Variants in PTPN2 observed in about 807,000 individuals in gnomAD.
PTPN2 encodes the protein protein tyrosine phosphatase non-receptor type 2, also known as tyrosine-protein phosphatase non-receptor type 2.
In PTPN2, 19 loss-of-function variants were observed where a neutral mutation model predicts 57.3. The ratio of observed to expected loss-of-function variants is 0.33; its 90% confidence interval spans 0.23 to 0.49. The LOEUF is 0.49. PTPN2 is among the 20% of genes least tolerant of loss of function. The probability of loss-of-function intolerance (pLI) is 0.99; values close to 1 mark genes in which losing one functional copy is unlikely to be tolerated. For synonymous variants in PTPN2, 153 were observed against 164.9 expected, an observed-to-expected ratio of 0.93 and a Z score of 0.55; for missense variants, 358 against 501.1, an observed-to-expected ratio of 0.71 and a Z score of 2.73.
intron 5 of PTPN2, chr18:12,819,281 T>C (rs1243707102): frequency 2.1e-6 from 3 of 1,398,064 alleles, no homozygotes; most frequent in Non-Finnish European, 2.9e-6. Context: ...GTTCTCAATA[T>C]ACTAAAAGCA....
At chr18:12,861,716 T>C (rs567325349) in intron 1 of PTPN2, among the ~76,000 whole-genome samples, 2 of 152,146 alleles carry the variant, frequency 1.3e-5, no homozygotes, top group African/African-American at 2.4e-5. Context: ...AGGAAAGATA[T>C]AGATTTGCAG....
chr18:12,831,648 C>A (rs2042674429), intron 3 of PTPN2, among the ~76,000 whole-genome samples: 1 of 152,148 alleles, frequency 6.6e-6, no homozygotes, highest in African/African-American at 2.4e-5. Flanking sequence ...CACTGGCCAG[C>A]CAACCAACTC....
chr18:12,838,339 A>T (rs2042937705), intron 2 of PTPN2, among the ~76,000 whole-genome samples: 1 of 152,192 alleles, frequency 6.6e-6, no homozygotes, highest in Admixed American at 6.5e-5. Flanking sequence ...GAATCTGGTT[A>T]CCCCACATGG....
intron 1 of PTPN2, among the ~76,000 whole-genome samples, chr18:12,879,077 A>G (rs1284973027): frequency 1.3e-5 from 2 of 152,186 alleles, no homozygotes; most frequent in African/African-American, 4.8e-5. Flanking sequence ...ACATTACTCA[A>G]AAAGTCAGAA....
intron 1 of PTPN2, among the ~76,000 whole-genome samples, chr18:12,870,387 ATATAT>A (rs2044186831): frequency 3.0e-5 from 2 of 66,112 alleles, no homozygotes; most frequent in African/African-American, 1.2e-4. Flanking sequence ...ATATATACGT[ATATAT>A]GTATATATAC....
intron 2 of PTPN2, among the ~76,000 whole-genome samples, chr18:12,848,656 C>T (rs1055166275): frequency 6.6e-6 from 1 of 152,198 alleles, no homozygotes; most frequent in Middle Eastern, 3.2e-3. Context: ...AAAGAAGTTG[C>T]TTCTTCAAGG....
At chr18:12,868,782 C>T (rs1440284497) in intron 1 of PTPN2, among the ~76,000 whole-genome samples, 1 of 150,780 alleles carries the variant, frequency 6.6e-6, no homozygotes, top group South Asian at 2.1e-4. Flanking sequence ...GGATTACAGG[C>T]GTGAGCTACC....
intron 7 of PTPN2, among the ~76,000 whole-genome samples, chr18:12,805,250 C>G (rs540140832): frequency 6.6e-6 from 1 of 151,798 alleles, no homozygotes; most frequent in Admixed American, 6.6e-5. Flanking sequence ...TGAGGTCAGG[C>G]GTTTGGGACT....
At chr18:12,851,742 T>C (rs1279042405) in intron 2 of PTPN2, among the ~76,000 whole-genome samples, 1 of 152,182 alleles carries the variant, frequency 6.6e-6, no homozygotes, top group Non-Finnish European at 1.5e-5. Context: ...CATAGAAGTT[T>C]TCCCTTCCTT....
At chr18:12,837,024 A>G in intron 2 of PTPN2, 133 bp from the exon 3 acceptor site, 1 of 619,632 alleles carries the variant, frequency 1.6e-6, no homozygotes, top group East Asian at 2.9e-5. Context: ...TAGAGTTGAG[A>G]CAAATCCTAA....
intron 1 of PTPN2, among the ~76,000 whole-genome samples, chr18:12,873,161 C>CAGTG (rs1322981947): frequency 1.3e-5 from 2 of 150,116 alleles, no homozygotes; most frequent in Non-Finnish European, 3.0e-5. Context: ...GTGGAGGTTG[C>CAGTG]AGTGAGCCAA....
chr18:12,867,126 C>A (rs751238469), intron 1 of PTPN2, among the ~76,000 whole-genome samples: 2 of 151,368 alleles, frequency 1.3e-5, no homozygotes, highest in Non-Finnish European at 2.9e-5. Context: ...AACCACGTAT[C>A]TACAAAAAAT....
intron 1 of PTPN2, among the ~76,000 whole-genome samples, chr18:12,878,800 T>C (rs144499050): frequency 1.3e-3 from 194 of 152,266 alleles, no homozygotes; most frequent in African/African-American, 4.5e-3. Flanking sequence ...TGAGCTATGA[T>C]TGCACCACTG....
Position 12,807,586 on chromosome 18 carries a change from A to AAAATATAT in PTPN2, c.859-5436_859-5435insATATATTT. Among the ~76,000 whole-genome samples, 222 of 35,132 alleles carry AAAATATAT rather than the reference A, an allele frequency of 6.3e-3. 5 individuals are homozygous for AAAATATAT. Among genetic ancestry groups the AAAATATAT allele is most frequent in the Middle Eastern group, 0.056 (1 of 18 alleles). 23.0% of individuals were successfully genotyped at this position (35,132 alleles called of 152,430 possible). ...AAATGTGGAAAAAAAAAAAAAAAAA[A>AAAATATAT]ATATATATATATATATATAATATAA... On this transcript the variant is annotated intron_variant, in intron 7 of 8. Coordinates refer to ENST00000309660, the MANE Select transcript of PTPN2 (RefSeq NM_002828.4).
At chr18:12,824,923 T>TA (rs200238933) in intron 5 of PTPN2, among the ~76,000 whole-genome samples, 2,189 of 151,432 alleles carry the variant, frequency 0.014, 27 homozygotes, top group Non-Finnish European at 0.023. Flanking sequence ...CCATCTCTAT[T>TA]AAAAAAAAAT....
intron 1 of PTPN2, among the ~76,000 whole-genome samples, chr18:12,874,808 C>T (rs1423935772): frequency 6.6e-6 from 1 of 152,198 alleles, no homozygotes; most frequent in Non-Finnish European, 1.5e-5. Context: ...GGGAGGTGTG[C>T]CCAACAGCTC....
intron 2 of PTPN2, among the ~76,000 whole-genome samples, chr18:12,847,048 CA>C (rs11432890): frequency 4.8e-5 from 7 of 145,904 alleles, no homozygotes; most frequent in African/African-American, 1.0e-4. Context: ...TTTGTCAGTC[CA>C]AAAAAAAAAA....
At chr18:12,802,777 G>A (rs1295537141) in intron 7 of PTPN2, among the ~76,000 whole-genome samples, 1 of 152,118 alleles carries the variant, frequency 6.6e-6, no homozygotes, top group African/African-American at 2.4e-5. Flanking sequence ...TTTCAGAAAT[G>A]AAAGAAAAAT....
At chr18:12,827,881 A>C (rs1257959178) in intron 4 of PTPN2, among the ~76,000 whole-genome samples, 1 of 152,134 alleles carries the variant, frequency 6.6e-6, no homozygotes. Flanking sequence ...TCTTTAACAA[A>C]AAGTATTTAA....
Sources: gnomAD v4.1 joint callset for allele counts (sites outside exome capture counted in the v4.1 genomes callset) on GRCh38, gnomAD v4.1.1 for gene constraint, MANE v1.5 for transcripts, NCBI Gene and HGNC (gene_info 2026-07-23, HGNC 2026-07-21) for gene names.